Variants in PKD2L2 observed in about 807,000 individuals in gnomAD.
PKD2L2 encodes the protein polycystin-2-like protein 2.
A neutral mutation model predicts 83.9 loss-of-function variants in PKD2L2; 67 were observed. The observed-to-expected ratio is 0.80, with a 90% confidence interval of 0.66 to 0.98. The LOEUF (loss-of-function observed/expected upper bound fraction) is 0.98. Ranked by LOEUF, PKD2L2 falls within the 50% of genes least tolerant of loss-of-function variation. The probability of loss-of-function intolerance (pLI) is 0.00; values close to 1 mark genes in which losing one functional copy is unlikely to be tolerated. For synonymous variants in PKD2L2, 223 were observed against 237.8 expected (o/e 0.94, Z 0.57); for missense variants, 632 against 717.2 (o/e 0.88, Z 1.36).
intron 8 of PKD2L2, among the ~76,000 whole-genome samples, chr5:137,916,199 G>A (rs374132796): frequency 1.5e-4 from 22 of 151,162 alleles, no homozygotes; most frequent in Middle Eastern, 3.4e-3. Flanking sequence ...TTTTTGAGAC[G>A]GAGTCTCACT....
Position 137,921,619 on chromosome 5 carries a change from G to C in PKD2L2, c.1329-17G>C, listed in dbSNP as rs374453244. On this transcript the variant is annotated splice_polypyrimidine_tract_variant and intron_variant, in intron 8 of 14. Coordinates refer to ENST00000508883, the MANE Select transcript of PKD2L2 (RefSeq NM_001300921.2). ...TACATAAAGGTATATATTTTCTACT[G>C]TTTTTCTTTCTTAAAGATTTGCACA... 1.3e-6 allele frequency: 2 copies of C among 1,528,372 alleles called. No individual in the cohort carries two copies. Among genetic ancestry groups the C allele is most frequent in the Non-Finnish European group, 1.8e-6 (2 of 1,111,550 alleles). The allele number at this position is 1,528,372 out of a possible 1,614,324, so 94.7% of individuals were successfully genotyped here. A position where few individuals can be genotyped will look rare whatever the true frequency, so the allele number is the denominator to read the frequency against.
intron 12 of PKD2L2, among the ~76,000 whole-genome samples, chr5:137,931,656 A>C (rs1759890894): frequency 6.6e-6 from 1 of 152,314 alleles, no homozygotes; most frequent in Non-Finnish European, 1.5e-5. Context: ...AAAATCAATG[A>C]TATTTCCTTG....
chr5:137,940,068 T>C (rs1761183749), intron 14 of PKD2L2: 11 of 1,613,974 alleles, frequency 6.8e-6, no homozygotes, highest in African/African-American at 1.3e-5. Context: ...CTACTTACTC[T>C]CCCATCATTT....
At chr5:137,905,425 G>A (rs962011011) in intron 5 of PKD2L2, among the ~76,000 whole-genome samples, 1 of 152,166 alleles carries the variant, frequency 6.6e-6, no homozygotes, top group Non-Finnish European at 1.5e-5. Flanking sequence ...TAAGATGTAA[G>A]TTTTATTTGT....
chr5:137,935,799 G>A lies in PKD2L2; in HGVS notation c.1674G>A (p.Glu558=), dbSNP rs2150066256. The A allele has an allele frequency of 6.4e-7, 1 of 1,571,170 alleles. No individual in the cohort carries two copies. Among genetic ancestry groups the A allele is most frequent in the Non-Finnish European group, 8.8e-7 (1 of 1,141,704 alleles). The stretch of plus-strand genomic sequence containing the variant: ...TTACTTGTCCTCTACCCTGACAGGA[G>A]ATTCAAAACGCAGAGCAGATGAAAA... The part of the protein sequence containing the change: ...QARREGFDEN[E]IQNAEQMKKW... The change falls in exon 13 of 15, where the codon GAG becomes GAA. Residue 558 remains glutamate (E), a splice_region_variant and synonymous_variant. Transcript: ENST00000508883.
intron 8 of PKD2L2, among the ~76,000 whole-genome samples, chr5:137,916,475 C>CTTTTTTTTTTTT (rs1169529107): frequency 2.1e-5 from 2 of 93,214 alleles, no homozygotes; most frequent in Non-Finnish European, 4.0e-5. Flanking sequence ...CACTTTTCTT[C>CTTTTTTTTTTTT]TTTTTTTTTT....
chr5:137,925,826 C>T, intron 11 of PKD2L2, 49 bp from the exon 12 acceptor site: 1 of 1,144,954 alleles, frequency 8.7e-7, no homozygotes, highest in Non-Finnish European at 1.3e-6. Flanking sequence ...GGTGGCATTT[C>T]CTTTCTTATT....
intron 14 of PKD2L2, chr5:137,940,446 G>A: frequency 6.1e-5 from 37 of 609,448 alleles, no homozygotes; most frequent in Middle Eastern, 3.6e-4. Context: ...CTAAACATAA[G>A]TTCAAATAAA....
intron 14 of PKD2L2, 150 bp downstream of exon 14, chr5:137,936,577 TC>T: frequency 1.8e-6 from 1 of 542,450 alleles, no homozygotes; most frequent in Non-Finnish European, 3.2e-6. Context: ...TGCCTCAGCC[TC>T]CCGAGTAGCT....
At chr5:137,929,724 C>T (rs1384131524) in intron 12 of PKD2L2, among the ~76,000 whole-genome samples, 1 of 151,972 alleles carries the variant, frequency 6.6e-6, no homozygotes, top group Non-Finnish European at 1.5e-5. Context: ...CATGCAAGAA[C>T]TTAGGGAATA....
At position 137,936,347 on chromosome 5, in the gene PKD2L2, GAAGGA is replaced by G; in HGVS notation, c.1814_1818del (p.Lys605IlefsTer73). 2 of 1,532,190 alleles carry G rather than the reference GAAGGA, an allele frequency of 1.3e-6. No homozygotes were observed. The highest frequency in any genetic ancestry group is 1.7e-6 in the Non-Finnish European group (2 of 1,143,120). The allele number at this position is 1,532,190 out of a possible 1,614,324, so 94.9% of individuals were successfully genotyped here. On this transcript the variant is annotated frameshift_variant, in exon 14 of 15. Transcript: ENST00000508883. LOFTEE classifies it high-confidence loss of function. Reference sequence around the variant, plus strand: ...TTTTTTTATATGCTGTGGAGCTGGAGAAGGAATTACACTACATCAATTTGAAGCTA... The same window carrying G: ...TTTTTTTATATGCTGTGGAGCTGGAGATTACACTACATCAATTTGAAGCTA...
chr5:137,894,429 A>C lies in PKD2L2; in HGVS notation c.344A>C (p.Asn115Thr). The C allele has an allele frequency of 6.2e-7, 1 of 1,613,404 alleles. No homozygotes were observed. Among genetic ancestry groups the C allele is most frequent in the South Asian group, 1.1e-5 (1 of 91,076 alleles). Residue 115 changes from asparagine to threonine, a missense_variant, in exon 4 of 15, where the codon AAC (asparagine) becomes ACC (threonine). Asn to Thr is a moderately conservative substitution (Grantham distance 65). This residue lies in a region of PKD2L2 where 229 missense variants were observed against 281.5 expected (regional missense o/e 0.81). Transcript: ENST00000508883. Reference sequence around the variant, plus strand: ...AACCAGCAGCTGTATAATTTAAAGAACAGCAGTCGCATCTACTATGAAAAT... The same window carrying C: ...AACCAGCAGCTGTATAATTTAAAGACCAGCAGTCGCATCTACTATGAAAAT... The part of the protein sequence containing the change: ...YNNQQLYNLK[N>T]SSRIYYENIL...
chr5:137,942,353 T>C (rs1468023145), intron 14 of PKD2L2, 31 bp from the exon 15 acceptor site: 1 of 305,784 alleles, frequency 3.3e-6, no homozygotes, highest in Non-Finnish European at 6.0e-6. Context: ...AAATCAACTG[T>C]AGGATTTTAT....
Position 137,921,654 on chromosome 5 carries a change from TG to T in PKD2L2, c.1348del (p.Val450PhefsTer34). On this transcript the variant is annotated frameshift_variant, in exon 9 of 15. Coordinates refer to ENST00000508883, the MANE Select transcript of PKD2L2 (RefSeq NM_001300921.2). LOFTEE classifies it high-confidence loss of function. ...CTTAAAGATTTGCACAATTTCGAAT[TG>T]TTCTTGGAGATTTTAATTTTGCTGG... Reference protein sequence around the residue: ...QNSIFAQFRIVLGDFNFAGIQ... With the variant: ...QNSIFAQFRIXLGDFNFAGIQ... 6.3e-7 allele frequency: 1 copy of T among 1,591,936 alleles called. No individual in the cohort carries two copies. The highest frequency in any genetic ancestry group is 8.6e-7 in the Non-Finnish European group (1 of 1,165,758).
chr5:137,899,876 T>C, intron 5 of PKD2L2, 139 bp downstream of exon 5: 1 of 497,590 alleles, frequency 2.0e-6, no homozygotes, highest in Non-Finnish European at 3.5e-6. Flanking sequence ...AGTAAATATA[T>C]TGGAAAATGT....
chr5:137,919,529 C>G (rs1178377327), intron 8 of PKD2L2, among the ~76,000 whole-genome samples: 1 of 149,962 alleles, frequency 6.7e-6, no homozygotes, highest in Non-Finnish European at 1.5e-5. Context: ...TTTTTTTCCC[C>G]AACTCAAAGA....
Position 137,935,837 on chromosome 5 carries a change from G to A in PKD2L2, c.1712G>A (p.Arg571Lys). Residue 571 changes from arginine to lysine, a missense_variant, in exon 13 of 15, where the codon AGG (arginine) becomes AAG (lysine). Transcript: ENST00000508883. Reference sequence around the variant, plus strand: ...GAGCAGATGAAAAAATGGAAAGAGAGGCTTGAGAAAAAGTATTATTCTATG... The same window carrying A: ...GAGCAGATGAAAAAATGGAAAGAGAAGCTTGAGAAAAAGTATTATTCTATG... The part of the protein sequence containing the change: ...NAEQMKKWKE[R>K]LEKKYYSMEI... 1.2e-6 allele frequency: 2 copies of A among 1,611,674 alleles called. No homozygotes were observed. Among genetic ancestry groups the A allele is most frequent in the Non-Finnish European group, 1.7e-6 (2 of 1,177,904 alleles).
Position 137,894,508 on chromosome 5 carries a change from C to T in PKD2L2, c.423C>T (p.Cys141=). ...VRQLKVRNNT[C]KVYSSFQSLM... is the part of the protein sequence containing the mutation. ...AACTAAAAGTCCGCAACAACACATG[C>T]AAAGTCTATTCATCTTTTCAGTCTT... The change falls in exon 4 of 15, where the codon TGC becomes TGT. Residue 141 remains cysteine (C), a synonymous_variant. Transcript: ENST00000508883. 1.2e-6 allele frequency: 2 copies of T among 1,613,692 alleles called. No homozygotes were observed. The highest frequency in any genetic ancestry group is 1.7e-6 in the Non-Finnish European group (2 of 1,179,656).
intron 5 of PKD2L2, among the ~76,000 whole-genome samples, chr5:137,900,260 T>C (rs1756839841): frequency 6.6e-6 from 1 of 152,242 alleles, no homozygotes; most frequent in South Asian, 2.1e-4. Flanking sequence ...TGTCGTGTGA[T>C]GCTCACCATC....
Sources: allele counts gnomAD v4.1 joint callset (sites outside exome capture counted in the v4.1 genomes callset), GRCh38; gene constraint gnomAD v4.1.1; regional missense constraint gnomAD v4.1.1; transcripts MANE v1.5; gene names NCBI Gene and HGNC (gene_info 2026-07-23, HGNC 2026-07-21).